The following TLL2 variants were observed in gnomAD, a reference collection of about 807,000 sequenced individuals.
TLL2 encodes the protein tolloid like 2.
In TLL2, 106 loss-of-function variants were observed where a neutral mutation model predicts 123.0. That is an observed-to-expected ratio of 0.86 (90% CI 0.74 to 1.01). The LOEUF (loss-of-function observed/expected upper bound fraction) is 1.01, where lower values mean the gene tolerates loss of function less well. Among genes scored for constraint, TLL2 ranks in the 50% least tolerant of loss-of-function variants. The pLI is 0.00. For synonymous variants in TLL2, 494 were observed against 516.8 expected, an observed-to-expected ratio of 0.96 and a Z score of 0.60; for missense variants, 1,332 against 1,336.7, an observed-to-expected ratio of 1.00 and a Z score of 0.06.
intron 13 of TLL2, among the ~76,000 whole-genome samples, chr10:96,390,994 T>C (rs976765017): frequency 6.6e-6 from 1 of 152,250 alleles, no homozygotes; most frequent in African/African-American, 2.4e-5. Context: ...TTGAAATCAA[T>C]GTCACTGGTT....
At position 96,513,882 on chromosome 10, in the gene TLL2, C is replaced by T; in HGVS notation, c.-197G>A. ...TCGAGGCAACCGGGAAGCAGCCGCT[C>T]GGAGCTACTTGCCCGGCGGCCGAGG... On this transcript the variant is annotated 5_prime_UTR_variant, in exon 1 of 21. Transcript: ENST00000357947. 1.8e-6 allele frequency: 1 copy of T among 570,744 alleles called. No individual in the cohort carries two copies. Among genetic ancestry groups the T allele is most frequent in the Non-Finnish European group, 2.8e-6 (1 of 351,216 alleles). 35.4% of individuals were successfully genotyped at this position (570,744 alleles called of 1,614,324 possible). A position where few individuals can be genotyped will look rare whatever the true frequency, so the allele number is the denominator to read the frequency against.
Position 96,437,905 on chromosome 10 carries a change from C to A in TLL2, c.365-4943G>T, listed in dbSNP as rs563830432. ...GGTAAGTTTTCATTTCTCTGGGACACATATCAAAGAGGGAATTACTGGCTC... is the reference window on the plus strand; with the variant it reads ...GGTAAGTTTTCATTTCTCTGGGACAAATATCAAAGAGGGAATTACTGGCTC... On this transcript the variant is annotated intron_variant, in intron 3 of 20. Transcript: ENST00000357947. 4.8e-4 allele frequency among the ~76,000 whole-genome samples: 73 copies of A among 152,236 alleles called. 2 individuals are homozygous for A. The South Asian group carries it at 0.015, about 32-fold the overall frequency.
intron 10 of TLL2, among the ~76,000 whole-genome samples, chr10:96,403,812 A>C (rs1448317643): frequency 1.3e-5 from 2 of 152,192 alleles, no homozygotes; most frequent in Non-Finnish European, 2.9e-5. Flanking sequence ...CCGATTGTAC[A>C]TTTGTTCAAT....
intron 13 of TLL2, among the ~76,000 whole-genome samples, chr10:96,390,539 G>A (rs900928570): frequency 6.6e-6 from 1 of 152,232 alleles, no homozygotes; most frequent in African/African-American, 2.4e-5. Context: ...CTGGCACCCT[G>A]GCCAGGATCA....
chr10:96,436,960 A>T (rs1382354711), intron 3 of TLL2, among the ~76,000 whole-genome samples: 1 of 152,130 alleles, frequency 6.6e-6, no homozygotes, highest in Non-Finnish European at 1.5e-5. Context: ...AGCTGGGATT[A>T]CAGGCATGCA....
rs559106142 is a variant in TLL2 at position 96,386,205 on chromosome 10, G to T, written c.1863C>A (p.Gly621=). The T allele has an allele frequency of 5.6e-6, 9 of 1,595,464 alleles. No individual in the cohort carries two copies. Among genetic ancestry groups the T allele is most frequent in the South Asian group, 1.1e-5 (1 of 87,984 alleles). The stretch of plus-strand genomic sequence containing the variant: ...TTCCATTCAGCTTGGTAATGAAACC[G>T]CCACAGGCCACTGCACGGGGGAAAC... ...ADKKMCEVAC[G]GFITKLNGTI... The change falls in exon 15 of 21, where the codon GGC becomes GGA. Residue 621 remains glycine, a synonymous_variant. Transcript: ENST00000357947.
intron 1 of TLL2, among the ~76,000 whole-genome samples, chr10:96,501,532 T>G (rs1449870462): frequency 6.6e-6 from 1 of 152,230 alleles, no homozygotes; most frequent in African/African-American, 2.4e-5. Context: ...CCCCATTTCC[T>G]TAGGGATATG....
At chr10:96,378,921 G>A (rs367652825) in intron 17 of TLL2, 46 bp downstream of exon 17, 88 of 1,608,974 alleles carry the variant, frequency 5.5e-5, no homozygotes, top group South Asian at 9.9e-5. Context: ...CATGGGGTGC[G>A]GCGAAGGGCA....
chr10:96,451,301 C>G (rs917583962), intron 2 of TLL2, among the ~76,000 whole-genome samples: 45 of 152,150 alleles, frequency 3.0e-4, no homozygotes, highest in Admixed American at 2.6e-3. Context: ...TTCTTCCGCT[C>G]TCAACAAAAA....
chr10:96,421,154 C>A, intron 6 of TLL2, 93 bp from the exon 7 acceptor site: 3 of 878,530 alleles, frequency 3.4e-6, no homozygotes, highest in Non-Finnish European at 5.6e-6. Flanking sequence ...TAACAACTTC[C>A]CAGGGCTCTC....
intron 9 of TLL2, among the ~76,000 whole-genome samples, chr10:96,409,894 G>A (rs1383911694): frequency 4.6e-5 from 7 of 152,192 alleles, no homozygotes; most frequent in African/African-American, 7.2e-5. Context: ...GGGCAGCCAA[G>A]GAGTGGCTGT....
chr10:96,465,739 G>A (rs890835184), intron 2 of TLL2, among the ~76,000 whole-genome samples: 2 of 152,228 alleles, frequency 1.3e-5, no homozygotes, highest in African/African-American at 4.8e-5. Flanking sequence ...GGGACAGGCA[G>A]GCAGGGAGCA....
intron 19 of TLL2, 120 bp from the exon 20 acceptor site, chr10:96,370,435 C>T: frequency 7.4e-7 from 1 of 1,344,776 alleles, no homozygotes; most frequent in South Asian, 1.7e-5. Flanking sequence ...GCCAGGTAGT[C>T]TCGTCACCCC....
chr10:96,502,555 T>G (rs1847545157), intron 1 of TLL2, among the ~76,000 whole-genome samples: 1 of 152,076 alleles, frequency 6.6e-6, no homozygotes, highest in African/African-American at 2.4e-5. Flanking sequence ...GGTGTCCAGG[T>G]AGCAACTGGG....
Position 96,513,797 on chromosome 10 carries a change from C to G in TLL2, c.-112G>C, listed in dbSNP as rs1847657192. 8.5e-7 allele frequency: 1 copy of G among 1,179,686 alleles called. No homozygotes were observed. The highest frequency in any genetic ancestry group is 1.1e-6 in the Non-Finnish European group (1 of 883,734). The allele number at this position is 1,179,686 out of a possible 1,614,324, so 73.1% of individuals were successfully genotyped here. A position where few individuals can be genotyped will look rare whatever the true frequency, so the allele number is the denominator to read the frequency against. ...CTCCGGCCGGGACTCGGTGGTTACA[C>G]AGGGCTGCTGGGCATGGCTCAGGCG... is the stretch of plus-strand genomic sequence containing the variant. On this transcript the variant is annotated 5_prime_UTR_variant, in exon 1 of 21. Transcript: ENST00000357947.
intron 1 of TLL2, among the ~76,000 whole-genome samples, chr10:96,496,866 T>C (rs1847481394): frequency 6.6e-6 from 1 of 152,194 alleles, no homozygotes. Flanking sequence ...TAAGGTGACT[T>C]CTTGGACCCA....
chr10:96,384,775 G>A lies in TLL2; in HGVS notation c.2014-8C>T, dbSNP rs2134057276. On this transcript the variant is annotated splice_region_variant and splice_polypyrimidine_tract_variant and intron_variant, in intron 15 of 20. Transcript: ENST00000357947. ...AAAGTCGTACTTACAGACCTGCAAG[G>A]GAGCATGATGGGGAGCTTCCCAGAG... 1 of 1,565,144 alleles carries A rather than the reference G, an allele frequency of 6.4e-7. No homozygotes were observed. Among genetic ancestry groups the A allele is most frequent in the Non-Finnish European group, 8.7e-7 (1 of 1,148,010 alleles).
At chr10:96,459,691 AAAAAAAAAAAAAAAATATATATAT>A (rs1221097396) in intron 2 of TLL2, among the ~76,000 whole-genome samples, 4 of 56,660 alleles carry the variant, frequency 7.1e-5, no homozygotes, top group Admixed American at 2.2e-4. Context: ...AAAAAAAAAA[AAAAAAAAAAAAAAAATATATATAT>A]ATATATATAT....
intron 14 of TLL2, 83 bp downstream of exon 14, chr10:96,386,870 C>A: frequency 1.3e-6 from 2 of 1,580,282 alleles, no homozygotes; most frequent in Non-Finnish European, 1.7e-6. Context: ...ACACAGCCAG[C>A]TGGTTGCCCC....
Sources: allele counts gnomAD v4.1 joint callset (sites outside exome capture counted in the v4.1 genomes callset), GRCh38; gene constraint gnomAD v4.1.1; transcripts MANE v1.5; gene names NCBI Gene and HGNC (gene_info 2026-07-23, HGNC 2026-07-21).